The following MTUS2 variants were observed in gnomAD, a reference collection of about 807,000 sequenced individuals.
The protein encoded by MTUS2 is microtubule associated scaffold protein 2, also known as microtubule-associated tumor suppressor candidate 2.
A neutral mutation model predicts 114.1 loss-of-function variants in MTUS2; 40 were observed. That is an observed-to-expected ratio of 0.35 (90% CI 0.27 to 0.46). The LOEUF is 0.46. Among genes scored for constraint, MTUS2 ranks in the 20% least tolerant of loss-of-function variants. The pLI, the probability that MTUS2 is intolerant of heterozygous loss-of-function variation, is 1.00. For synonymous variants in MTUS2, 688 were observed against 672.0 expected (o/e 1.02, Z -0.37); for missense variants, 1,679 against 1,705.4 (o/e 0.98, Z 0.27).
At chr13:28,880,253 A>G (rs901966600) in intron 2 of MTUS2, among the ~76,000 whole-genome samples, 3 of 152,192 alleles carry the variant, frequency 2.0e-5, no homozygotes, top group Non-Finnish European at 4.4e-5. Context: ...CTTCCTGTCT[A>G]CTGGTTATTG....
At position 29,026,110 on chromosome 13, in the gene MTUS2, T is replaced by C. The variant is rs370411515; in HGVS notation, c.1412T>C (p.Val471Ala). The C allele has an allele frequency of 6.8e-6, 11 of 1,613,846 alleles. No homozygotes were observed. The highest frequency in any genetic ancestry group is 1.3e-5 in the African/African-American group (1 of 74,920). ...AATAAGGACAGTGTTATGGTTTTGG[T>C]GTTCAATCCTTCTGTTGGAGAGAAC... ...SGNKDSVMVLVFNPSVGENKT... is the reference protein window; with the variant it reads ...SGNKDSVMVLAFNPSVGENKT... The change falls in exon 3 of 16, where the codon GTG becomes GCG. Residue 471 changes from valine (V) to alanine (A), a missense_variant. Val to Ala is a moderately conservative substitution (Grantham distance 64). Transcript: ENST00000612955.
intron 5 of MTUS2, among the ~76,000 whole-genome samples, chr13:29,235,283 G>A (rs1019287959): frequency 6.6e-6 from 1 of 152,022 alleles, no homozygotes; most frequent in Non-Finnish European, 1.5e-5. Context: ...GGTAGAGATG[G>A]GGTTTCTCCA....
At chr13:28,914,412 A>T (rs1880631653) in intron 2 of MTUS2, among the ~76,000 whole-genome samples, 1 of 152,010 alleles carries the variant, frequency 6.6e-6, no homozygotes, top group African/African-American at 2.4e-5. Flanking sequence ...GTTTTGAGTG[A>T]GTTTCTTAAT....
intron 2 of MTUS2, among the ~76,000 whole-genome samples, chr13:29,017,741 C>T (rs1474407368): frequency 1.3e-5 from 2 of 151,800 alleles, no homozygotes; most frequent in Admixed American, 6.6e-5. Flanking sequence ...AACATTTCAC[C>T]TTTTTGAGCT....
intron 9 of MTUS2, among the ~76,000 whole-genome samples, chr13:29,468,720 CA>C (rs1008876586): frequency 9.9e-5 from 15 of 152,214 alleles, no homozygotes; most frequent in Admixed American, 5.2e-4. Flanking sequence ...TCTAGTAAAT[CA>C]GGGGGAAAAT....
At chr13:29,180,988 A>C (rs1893979538) in intron 5 of MTUS2, among the ~76,000 whole-genome samples, 1 of 152,336 alleles carries the variant, frequency 6.6e-6, no homozygotes, top group East Asian at 1.9e-4. Context: ...CCTGAAAAAA[A>C]AATTATCTTG....
At chr13:28,940,487 T>A (rs1882168405) in intron 2 of MTUS2, among the ~76,000 whole-genome samples, 1 of 152,170 alleles carries the variant, frequency 6.6e-6, no homozygotes, top group Non-Finnish European at 1.5e-5. Flanking sequence ...AACTACTTAG[T>A]GGGTTGGAGG....
At chr13:29,430,582 T>G (rs1183597321) in intron 8 of MTUS2, among the ~76,000 whole-genome samples, 2 of 152,218 alleles carry the variant, frequency 1.3e-5, no homozygotes, top group Non-Finnish European at 1.5e-5. Context: ...TTCTTGTCTT[T>G]TCTTTGCTAT....
chr13:29,399,709 G>A (rs1441372080), intron 8 of MTUS2, among the ~76,000 whole-genome samples: 1 of 151,696 alleles, frequency 6.6e-6, no homozygotes, highest in Non-Finnish European at 1.5e-5. Flanking sequence ...GAAAGTTCCA[G>A]AAAAAAAGAA....
At chr13:29,305,437 C>A (rs1401819214) in intron 6 of MTUS2, among the ~76,000 whole-genome samples, 1 of 151,812 alleles carries the variant, frequency 6.6e-6, no homozygotes, top group East Asian at 1.9e-4. Flanking sequence ...AATAAACAAT[C>A]AGAAATGAAA....
chr13:28,870,373 C>T (rs975947186), intron 2 of MTUS2, among the ~76,000 whole-genome samples: 6 of 152,084 alleles, frequency 3.9e-5, no homozygotes, highest in Admixed American at 1.3e-4. Flanking sequence ...GCTGGACAAA[C>T]GGCTTTGCTT....
At chr13:29,181,169 G>GCT (rs1397941978) in intron 5 of MTUS2, among the ~76,000 whole-genome samples, 1 of 152,096 alleles carries the variant, frequency 6.6e-6, no homozygotes, top group African/African-American at 2.4e-5. Context: ...TCTCTCGATG[G>GCT]GCCCGGAGGT....
intron 8 of MTUS2, among the ~76,000 whole-genome samples, chr13:29,395,219 A>T (rs1873820165): frequency 6.6e-6 from 1 of 152,122 alleles, no homozygotes; most frequent in Non-Finnish European, 1.5e-5. Flanking sequence ...AATGCTGGTC[A>T]GTTGTGCCTG....
chr13:28,956,296 C>T (rs1883062047), intron 2 of MTUS2, among the ~76,000 whole-genome samples: 1 of 152,098 alleles, frequency 6.6e-6, no homozygotes, highest in African/African-American at 2.4e-5. Context: ...CCACCCTCAC[C>T]CTCACTCCTA....
intron 5 of MTUS2, among the ~76,000 whole-genome samples, chr13:29,224,068 T>C (rs1380718936): frequency 1.3e-5 from 2 of 152,206 alleles, no homozygotes; most frequent in East Asian, 3.9e-4. Flanking sequence ...TGGTTGCCCT[T>C]GGCAGGAATG....
At chr13:29,456,951 C>T (rs576843935) in intron 9 of MTUS2, among the ~76,000 whole-genome samples, 4 of 151,624 alleles carry the variant, frequency 2.6e-5, no homozygotes, top group East Asian at 1.9e-4. Flanking sequence ...TCCTGGCTAA[C>T]ATGGTGAAAC....
intron 8 of MTUS2, among the ~76,000 whole-genome samples, chr13:29,425,261 G>A (rs1876424491): frequency 6.6e-6 from 1 of 151,870 alleles, no homozygotes; most frequent in South Asian, 2.1e-4. Flanking sequence ...TAAAATACAA[G>A]AATTACCTGG....
intron 9 of MTUS2, among the ~76,000 whole-genome samples, chr13:29,453,266 T>G (rs540610108): frequency 2.6e-5 from 4 of 152,244 alleles, no homozygotes; most frequent in Non-Finnish European, 5.9e-5. Context: ...GACAATCACA[T>G]GCAAATTATG....
At chr13:29,270,683 C>T (rs1176736931) in intron 5 of MTUS2, among the ~76,000 whole-genome samples, 2 of 152,216 alleles carry the variant, frequency 1.3e-5, no homozygotes, top group Admixed American at 1.3e-4. Context: ...CACACGCTCC[C>T]TGTGTATGGA....
Sources: gnomAD v4.1 joint callset for allele counts (sites outside exome capture counted in the v4.1 genomes callset) on GRCh38, gnomAD v4.1.1 for gene constraint, MANE v1.5 for transcripts, NCBI Gene and HGNC (gene_info 2026-07-23, HGNC 2026-07-21) for gene names.